DNMT1: variants seen among roughly 807,000 people sequenced by gnomAD.
DNMT1 encodes the protein DNA (cytosine-5)-methyltransferase 1.
DNMT1 carries 24 observed loss-of-function variants against 205.3 expected under a neutral mutation model. The observed-to-expected ratio is 0.12, with a 90% CI of 0.08 to 0.16. The LOEUF (loss-of-function observed/expected upper bound fraction) is 0.16. Ranked by LOEUF, DNMT1 falls within the 10% of genes least tolerant of loss-of-function variation. The pLI, the probability that DNMT1 is intolerant of heterozygous loss-of-function variation, is 1.00. For missense variants in DNMT1, 1,293 were observed against 2,177.7 expected (o/e 0.59, Z 8.09); for synonymous variants, 817 against 839.8 (o/e 0.97, Z 0.47).
intron 12 of DNMT1, 113 bp from the exon 13 acceptor site, chr19:10,162,861 T>C (rs945171071): frequency 3.4e-6 from 4 of 1,187,840 alleles, no homozygotes; most frequent in South Asian, 1.3e-5. Flanking sequence ...AAGATACCCA[T>C]GGGAGCTCTA....
intron 1 of DNMT1, chr19:10,194,605 G>T (rs1407801956): frequency 3.7e-6 from 2 of 545,892 alleles, no homozygotes; most frequent in Non-Finnish European, 6.3e-6. Flanking sequence ...AGGGAGCTAC[G>T]GGGGAATCCA....
In DNMT1 at chr19:10,156,378, G is replaced by A; in HGVS notation, c.1399+13C>T. ...AAAGTGTGCCCCAAACATAATCCCG[G>A]ACTATTCCTTACCTTCAAGAGATGG... On this transcript the variant is annotated intron_variant, in intron 18 of 40. Coordinates refer to ENST00000359526, the MANE Select transcript of DNMT1 (RefSeq NM_001130823.3). This position sits in a 1 kb window ranked among gnomAD's most constrained non-coding sequence, Gnocchi z 4.2. The A allele has an allele frequency of 6.3e-7, 1 of 1,592,722 alleles. No individual in the cohort carries two copies. The highest frequency in any genetic ancestry group is 8.6e-7 in the Non-Finnish European group (1 of 1,161,946).
chr19:10,149,345 A>C (rs2038284513), intron 26 of DNMT1, 108 bp downstream of exon 26: 1 of 1,426,398 alleles, frequency 7.0e-7, no homozygotes, highest in South Asian at 1.2e-5. Context: ...AAAAAAACAA[A>C]AAAAAAACCA....
rs1263023164 is a variant in DNMT1, at chr19:10,151,487, G to A, written c.2176C>T (p.Pro726Ser). The A allele has an allele frequency of 1.2e-6, 2 of 1,613,900 alleles. No individual in the cohort carries two copies. The highest frequency in any genetic ancestry group is 4.5e-5 in the East Asian group (2 of 44,888). ...DDDEEVDDNI[P>S]EMPSPKKMHQ... ...ATTTTTTTGGGTGACGGCATCTCTG[G>A]GATGTTATCATCGACTTCCTCATCG... Residue 726 changes from proline (P) to serine (S), a missense_variant, in exon 24 of 41, where the codon CCA becomes TCA. This residue lies in a region of DNMT1 where 197 missense variants were observed against 353.6 expected (regional missense o/e 0.56). Coordinates refer to ENST00000359526, the MANE Select transcript of DNMT1 (RefSeq NM_001130823.3). The surrounding 1 kb of genome is among the most constrained non-coding windows in gnomAD (Gnocchi z 5.0).
intron 11 of DNMT1, among the ~76,000 whole-genome samples, chr19:10,165,108 A>AT (rs950124932): frequency 8.0e-5 from 12 of 150,932 alleles, no homozygotes; most frequent in Admixed American, 3.3e-4. Flanking sequence ...TCTACAAAAA[A>AT]TTAAAAAAAA....
chr19:10,151,520 C>T lies in DNMT1; in HGVS notation c.2143G>A (p.Ala715Thr). 1 of 1,614,022 alleles carries T rather than the reference C, an allele frequency of 6.2e-7. No individual in the cohort carries two copies. Residue 715 changes from alanine to threonine, a missense_variant, in exon 24 of 41, where the codon GCA becomes ACA. Transcript: ENST00000359526. The surrounding 1 kb of genome is among the most constrained non-coding windows in gnomAD (Gnocchi z 5.0). ...TCATCGACTTCCTCATCGTCATCTG[C>T]CTCCTTCATGGCCATATTGGGACAC... ...RRCPNMAMKE[A>T]DDDEEVDDNI...
At chr19:10,148,311 A>C (rs1346675340) in intron 27 of DNMT1, among the ~76,000 whole-genome samples, 1 of 150,900 alleles carries the variant, frequency 6.6e-6, no homozygotes, top group South Asian at 2.1e-4. Context: ...CCTGGCTAAC[A>C]CAGTGAAACC....
At chr19:10,179,983 C>CTT in intron 5 of DNMT1, 1 of 259,448 alleles carries the variant, frequency 3.9e-6, no homozygotes, top group Non-Finnish European at 7.3e-6. Flanking sequence ...GAGCAAGACT[C>CTT]TGTCATTAAA....
chr19:10,153,335 A>G (rs1432396133), intron 22 of DNMT1, among the ~76,000 whole-genome samples: 1 of 152,094 alleles, frequency 6.6e-6, no homozygotes, highest in African/African-American at 2.4e-5. Flanking sequence ...TACACAAATA[A>G]AAACAAATGA....
At chr19:10,168,451 G>A (rs2038738126) in intron 9 of DNMT1, 87 bp from the exon 10 acceptor site, 2 of 1,386,352 alleles carry the variant, frequency 1.4e-6, no homozygotes, top group East Asian at 2.3e-5. Flanking sequence ...TAAAACACCT[G>A]AACTGATTCT....
chr19:10,166,808 T>A, intron 10 of DNMT1, 123 bp from the exon 11 acceptor site: 1 of 994,376 alleles, frequency 1.0e-6, no homozygotes, highest in Non-Finnish European at 1.6e-6. Context: ...CTGCCTCTCC[T>A]GTCTTCACTG....
In DNMT1 at chr19:10,143,945, G is replaced by C. The variant is rs150359172; in HGVS notation, c.2937C>G (p.Pro979=). The part of the protein sequence containing the change: ...SSPVKRPRKE[P]VDEDLYPEHY... ...GCTCTGGGTACAGGTCCTCATCCAC[G>C]GGCTCCTTCCGTGGGCGTTTCACGG... Residue 979 remains proline (P), a synonymous_variant, in exon 29 of 41, where the codon CCC becomes CCG. Coordinates refer to ENST00000359526, the MANE Select transcript of DNMT1 (RefSeq NM_001130823.3). 3 of 1,614,074 alleles carry C rather than the reference G, an allele frequency of 1.9e-6. No individual in the cohort carries two copies. Among genetic ancestry groups the C allele is most frequent in the Non-Finnish European group, 2.5e-6 (3 of 1,180,008 alleles).
chr19:10,137,713 G>T lies in DNMT1; in HGVS notation c.4293+119C>A. 1 of 1,376,746 alleles carries T rather than the reference G, an allele frequency of 7.3e-7. No individual in the cohort carries two copies. Among genetic ancestry groups the T allele is most frequent in the Non-Finnish European group, 1.0e-6 (1 of 994,332 alleles). 85.3% of individuals were successfully genotyped at this position (1,376,746 alleles called of 1,614,324 possible). On this transcript the variant is annotated intron_variant, in intron 36 of 40. Transcript: ENST00000359526. The surrounding 1 kb of genome is among the most constrained non-coding windows in gnomAD (Gnocchi z 6.4). ...GGGGTCACACAAAGGCTGAGGACTCGGGAGGAGGAGCCTGGGATCAGATTC... is the reference window on the plus strand; with the variant it reads ...GGGGTCACACAAAGGCTGAGGACTCTGGAGGAGGAGCCTGGGATCAGATTC...
chr19:10,135,125 T>G (rs1421522057), intron 39 of DNMT1, among the ~76,000 whole-genome samples: 3 of 146,946 alleles, frequency 2.0e-5, no homozygotes, highest in African/African-American at 7.6e-5. Flanking sequence ...GGCAGGAGAA[T>G]CACTTAAAAC....
In DNMT1 at chr19:10,177,032, G is replaced by C. The variant is rs149423104; in HGVS notation, c.569+260C>G. Among the ~76,000 whole-genome samples, 772 of 152,236 alleles carry C rather than the reference G, an allele frequency of 5.1e-3. 5 individuals are homozygous for C. The highest frequency in any genetic ancestry group is 0.017 in the African/African-American group (725 of 41,554). On this transcript the variant is annotated intron_variant, in intron 6 of 40. Coordinates refer to ENST00000359526, the MANE Select transcript of DNMT1 (RefSeq NM_001130823.3). Reference sequence around the variant, plus strand: ...ATAGATGAAACAACGGCTGTAACTTGATAACTGTTGGCACTAGATGATGGG... The same window carrying C: ...ATAGATGAAACAACGGCTGTAACTTCATAACTGTTGGCACTAGATGATGGG...
At chr19:10,184,098 C>T (rs780302055) in intron 1 of DNMT1, among the ~76,000 whole-genome samples, 9 of 152,134 alleles carry the variant, frequency 5.9e-5, no homozygotes, top group Admixed American at 3.3e-4. Context: ...AGTTGGGGCA[C>T]TCCCGTAAGG....
Position 10,151,928 on chromosome 19 carries a change from G to A in DNMT1, c.2020-81C>T, listed in dbSNP as rs1599362376. On this transcript the variant is annotated intron_variant, in intron 22 of 40. Coordinates refer to ENST00000359526, the MANE Select transcript of DNMT1 (RefSeq NM_001130823.3). This position sits in a 1 kb window ranked among gnomAD's most constrained non-coding sequence, Gnocchi z 5.0. The stretch of plus-strand genomic sequence containing the variant: ...TAATCCCAGTATTTCAGAAGGCCGA[G>A]GCAGGCAGATCACTTAAGGTCAGGA... 7.3e-7 allele frequency: 1 copy of A among 1,374,010 alleles called. No individual in the cohort carries two copies. The highest frequency in any genetic ancestry group is 2.3e-5 in the East Asian group (1 of 43,582). The allele number at this position is 1,374,010 out of a possible 1,614,324, so 85.1% of individuals were successfully genotyped here.
intron 1 of DNMT1, among the ~76,000 whole-genome samples, chr19:10,189,514 G>C (rs1427983819): frequency 6.6e-6 from 1 of 151,718 alleles, no homozygotes; most frequent in Non-Finnish European, 1.5e-5. Flanking sequence ...CGACCTCATG[G>C]GTTCAAGTGA....
rs774291381 is a variant in DNMT1, at chr19:10,194,924, G to C, written c.-25C>G. 1 of 1,596,364 alleles carries C rather than the reference G, an allele frequency of 6.3e-7. No homozygotes were observed. The highest frequency in any genetic ancestry group is 8.5e-7 in the Non-Finnish European group (1 of 1,171,384). On this transcript the variant is annotated 5_prime_UTR_variant, in exon 1 of 41. Transcript: ENST00000359526. ...TCTCGGAGGCTTCAGCAGACGCGGCGGCGGCAGCGCAGGCGCCCCGGCTTT... is the reference window on the plus strand; with the variant it reads ...TCTCGGAGGCTTCAGCAGACGCGGCCGCGGCAGCGCAGGCGCCCCGGCTTT...
Sources: gnomAD v4.1 joint callset for allele counts (sites outside exome capture counted in the v4.1 genomes callset) on GRCh38, gnomAD v4.1.1 for gene constraint, gnomAD v4.1.1 regional missense constraint, Gnocchi (gnomAD v3.1) non-coding constraint, MANE v1.5 for transcripts, NCBI Gene and HGNC (gene_info 2026-07-23, HGNC 2026-07-21) for gene names.